Variants in DNAAF8 observed in about 807,000 individuals in gnomAD.
The protein encoded by DNAAF8 is dynein axonemal-associated protein 1.
In DNAAF8, 61 loss-of-function variants were observed where a neutral mutation model predicts 54.6. The observed-to-expected ratio is 1.12, with a 90% confidence interval of 0.91 to 1.38. The LOEUF (loss-of-function observed/expected upper bound fraction) is 1.38, where lower values mean the gene tolerates loss of function less well. Among genes scored for constraint, DNAAF8 ranks in the 40% most tolerant of loss-of-function variants. DNAAF8 has a pLI of 0.00. For missense variants in DNAAF8, 837 were observed against 665.0 expected, an observed-to-expected ratio of 1.26 and a Z score of -2.85; for synonymous variants, 320 against 270.1, an observed-to-expected ratio of 1.18 and a Z score of -1.81.
chr16:4,740,668 C>T lies in DNAAF8; in HGVS notation c.783+9C>T, dbSNP rs1306940953. On this transcript the variant is annotated intron_variant, in intron 4 of 9. Transcript: ENST00000299320. ...CAGTGCTCTCGCTCCAGGTAGGCGCCTCCCCGTGCCTGGCTGTTTCTCAGG... is the reference window on the plus strand; with the variant it reads ...CAGTGCTCTCGCTCCAGGTAGGCGCTTCCCCGTGCCTGGCTGTTTCTCAGG... The T allele has an allele frequency of 1.3e-6, 2 of 1,570,356 alleles. No homozygotes were observed. The highest frequency in any genetic ancestry group is 3.6e-5 in the Admixed American group (2 of 55,128).
At chr16:4,744,545 A>G (rs1389703341) in intron 5 of DNAAF8, among the ~76,000 whole-genome samples, 3 of 152,098 alleles carry the variant, frequency 2.0e-5, no homozygotes, top group African/African-American at 7.2e-5. Flanking sequence ...TTTTTAAGTC[A>G]ACACACAGAA....
Position 4,747,771 on chromosome 16 carries a change from C to T in DNAAF8, c.*9+137C>T, listed in dbSNP as rs1332327484. 5 of 1,064,432 alleles carry T rather than the reference C, an allele frequency of 4.7e-6. No homozygotes were observed. The African/African-American group carries it at 6.6e-5, about 14-fold the overall frequency. 65.9% of individuals were successfully genotyped at this position (1,064,432 alleles called of 1,614,324 possible). A position where few individuals can be genotyped will look rare whatever the true frequency, so the allele number is the denominator to read the frequency against. On this transcript the variant is annotated intron_variant, in intron 9 of 9. Coordinates refer to ENST00000299320, the MANE Select transcript of DNAAF8 (RefSeq NM_139170.3). The stretch of plus-strand genomic sequence containing the variant: ...GGACCCTCAGACTTTGGACTGTTGC[C>T]CACCCTGTTAGAGCTCAGTCACAGG...
In DNAAF8 at chr16:4,740,258, G is replaced by A; in HGVS notation, c.382G>A (p.Glu128Lys). 1 of 1,614,066 alleles carries A rather than the reference G, an allele frequency of 6.2e-7. No homozygotes were observed. Among genetic ancestry groups the A allele is most frequent in the Non-Finnish European group, 8.5e-7 (1 of 1,179,994 alleles). ...AGGAAGAGACCCTGGCAGGCCTTTT[G>A]AAAGCTCTGGTGAGGTCAGCGCTCT... ...QEGRDPGRPF[E>K]SSGEVSALLG... is the part of the protein sequence containing the mutation. Residue 128 changes from glutamate (E) to lysine (K), a missense_variant, in exon 4 of 10, where the codon GAA (glutamate) becomes AAA (lysine). Transcript: ENST00000299320.
In DNAAF8 at chr16:4,743,023, A is replaced by G; in HGVS notation, c.784-20A>G. The G allele has an allele frequency of 6.4e-7, 1 of 1,567,182 alleles. No individual in the cohort carries two copies. Among genetic ancestry groups the G allele is most frequent in the Non-Finnish European group, 8.8e-7 (1 of 1,138,772 alleles). On this transcript the variant is annotated intron_variant, in intron 4 of 9. Transcript: ENST00000299320. ...GGGACCCCTCAGCATCCTCATAATCACTGGTTTTAATGATTTCAGCAACTT... is the reference window on the plus strand; with the variant it reads ...GGGACCCCTCAGCATCCTCATAATCGCTGGTTTTAATGATTTCAGCAACTT...
At chr16:4,738,035 G>T in intron 3 of DNAAF8, 89 bp downstream of exon 3, 4 of 1,432,148 alleles carry the variant, frequency 2.8e-6, no homozygotes, top group Non-Finnish European at 3.8e-6. Flanking sequence ...GCATTTCCAC[G>T]ATATGCTAGA....
At chr16:4,747,101 AT>A in intron 8 of DNAAF8, 76 bp downstream of exon 8, 1 of 1,393,274 alleles carries the variant, frequency 7.2e-7, no homozygotes, top group Non-Finnish European at 9.7e-7. Context: ...CACCTGGCAC[AT>A]TTACCGCCTG....
Position 4,740,303 on chromosome 16 carries a change from C to G in DNAAF8, c.427C>G (p.Pro143Ala). The G allele has an allele frequency of 1.2e-6, 2 of 1,611,120 alleles. No individual in the cohort carries two copies. Among genetic ancestry groups the G allele is most frequent in the Middle Eastern group, 3.3e-4 (2 of 6,058 alleles). ...CGCTCTTCTTGGGATGGCCGAGGAG[C>G]CCCCCAGGTGGCTGGAAGGCGACCT... ...VSALLGMAEE[P>A]PRWLEGDLGS... Residue 143 changes from proline to alanine, a missense_variant, in exon 4 of 10, where the codon CCC (proline) becomes GCC (alanine). Pro to Ala is a conservative substitution (Grantham distance 27). Coordinates refer to ENST00000299320, the MANE Select transcript of DNAAF8 (RefSeq NM_139170.3).
In DNAAF8 at chr16:4,746,581, C is replaced by G. The variant is rs560508545; in HGVS notation, c.1181+69C>G. On this transcript the variant is annotated intron_variant, in intron 7 of 9. Transcript: ENST00000299320. ...GAGTTGCCTGTTGACCGCACAGAGC[C>G]TCTGGTGGATCCTGATGGGGAGGAA... is the stretch of plus-strand genomic sequence containing the variant. 1.4e-5 allele frequency: 22 copies of G among 1,519,840 alleles called. No individual in the cohort carries two copies. In the East Asian group the frequency reaches 4.3e-4, roughly 30 times the overall value. 94.1% of individuals were successfully genotyped at this position (1,519,840 alleles called of 1,614,324 possible).
rs750388784 is a variant in DNAAF8, at chr16:4,747,339, AC to A, written c.1281-3del. ...TGAGTGAATTTGGTCTCATTGTGTC[AC>A]AGGACCTGTACCGGGAAAAGCCAGC... is the stretch of plus-strand genomic sequence containing the variant. On this transcript the variant is annotated splice_region_variant and splice_polypyrimidine_tract_variant and intron_variant, in intron 8 of 9. Transcript: ENST00000299320. 2 of 1,560,348 alleles carry A rather than the reference AC, an allele frequency of 1.3e-6. No homozygotes were observed. Among genetic ancestry groups the A allele is most frequent in the Non-Finnish European group, 1.7e-6 (2 of 1,151,508 alleles).
In DNAAF8 at chr16:4,746,926, G is replaced by T; in HGVS notation, c.1182-1G>T. The stretch of plus-strand genomic sequence containing the variant: ...CCAGAAACCCATTTCTCTCCCTGCA[G>T]CTCCAGCCACAGCTCCTCTGACAGT... On this transcript the variant is annotated splice_acceptor_variant, in intron 7 of 9. Coordinates refer to ENST00000299320, the MANE Select transcript of DNAAF8 (RefSeq NM_139170.3). LOFTEE classifies it high-confidence loss of function. 6.4e-7 allele frequency: 1 copy of T among 1,555,012 alleles called. No individual in the cohort carries two copies. Among genetic ancestry groups the T allele is most frequent in the African/African-American group, 1.4e-5 (1 of 72,492 alleles).
chr16:4,745,792 AAC>A (rs1009974830), intron 6 of DNAAF8, among the ~76,000 whole-genome samples: 31 of 152,118 alleles, frequency 2.0e-4, no homozygotes, highest in African/African-American at 7.5e-4. Flanking sequence ...CTCTACTAAA[AAC>A]ACAAAAAAAT....
Position 4,746,994 on chromosome 16 carries a change from G to A in DNAAF8, c.1249G>A (p.Glu417Lys), listed in dbSNP as rs1302075607. 6.5e-7 allele frequency: 1 copy of A among 1,542,880 alleles called. No homozygotes were observed. ...EEEMAALGDA[E>K]GASPSSLGLR... ...AGAGATGGCAGCTCTGGGAGACGCA[G>A]AGGGGGCATCTCCTTCCTCCCTGGG... The change falls in exon 8 of 10, where the codon GAG becomes AAG. Residue 417 changes from glutamate (E) to lysine (K), a missense_variant. Glu to Lys is a moderately conservative substitution (Grantham distance 56). Coordinates refer to ENST00000299320, the MANE Select transcript of DNAAF8 (RefSeq NM_139170.3).
rs567104655 is a variant in DNAAF8 at position 4,746,347 on chromosome 16, T to A, written c.1044-28T>A. ...CACAGAGTTATCACAGAGAACTGACTCCACAACACCTGCTTTTCTCATTTC... is the reference window on the plus strand; with the variant it reads ...CACAGAGTTATCACAGAGAACTGACACCACAACACCTGCTTTTCTCATTTC... On this transcript the variant is annotated intron_variant, in intron 6 of 9. Transcript: ENST00000299320. The A allele has an allele frequency of 6.7e-5, 107 of 1,599,704 alleles. No individual in the cohort carries two copies. In the East Asian group the frequency reaches 2.2e-3, roughly 32 times the overall value.
intron 5 of DNAAF8, among the ~76,000 whole-genome samples, chr16:4,744,374 G>A (rs1017367994): frequency 2.0e-5 from 3 of 152,104 alleles, no homozygotes; most frequent in African/African-American, 7.2e-5. Context: ...CTGAAAAGCT[G>A]GAAACAACCC....
intron 4 of DNAAF8, among the ~76,000 whole-genome samples, chr16:4,740,916 G>A (rs536151757): frequency 8.5e-5 from 13 of 152,166 alleles, no homozygotes; most frequent in Admixed American, 1.3e-4. Context: ...CAGGCACAGC[G>A]GCTCGCACCT....
rs765123928 is a variant in DNAAF8 at position 4,747,369 on chromosome 16, T to A, written c.1307T>A (p.Leu436His). Residue 436 changes from leucine (L) to histidine (H), a missense_variant, in exon 9 of 10, where the codon CTC becomes CAC. Physicochemically the swap from Leu to His is moderately conservative, Grantham distance 99. Transcript: ENST00000299320. ...ACCTGTACCGGGAAAAGCCAGCTTC[T>A]CCAGCAGCTCAGGGCCTTTCAGAAG... ...LRTCTGKSQL[L>H]QQLRAFQKGT... is the part of the protein sequence containing the mutation. 1.4e-5 allele frequency: 22 copies of A among 1,593,078 alleles called. No individual in the cohort carries two copies. The highest frequency in any genetic ancestry group is 1.9e-5 in the Non-Finnish European group (22 of 1,167,652).
rs527932688 is a variant in DNAAF8, at chr16:4,737,980, G to C, written c.276+34G>C. On this transcript the variant is annotated intron_variant, in intron 3 of 9. Coordinates refer to ENST00000299320, the MANE Select transcript of DNAAF8 (RefSeq NM_139170.3). ...GACACAGAAGAGTATACGCCTGTGT[G>C]TGTGCGATGTTAGTCTAAACTGACT... The C allele has an allele frequency of 8.7e-6, 14 of 1,603,348 alleles. No individual in the cohort carries two copies. In the East Asian group the frequency reaches 2.7e-4, roughly 31 times the overall value.
intron 3 of DNAAF8, among the ~76,000 whole-genome samples, chr16:4,739,265 G>GT (rs35113323): frequency 0.26 from 17,788 of 68,388 alleles, 4,169 homozygotes; most frequent in South Asian, 0.36. Context: ...ATTTTTTCTT[G>GT]TTTTTTTTTT....
rs2081944253 is a variant in DNAAF8 at position 4,740,228 on chromosome 16, CAGGA to C, written c.359_362del (p.Gly120GlufsTer74). On this transcript the variant is annotated frameshift_variant, in exon 4 of 10. Transcript: ENST00000299320. LOFTEE classifies it high-confidence loss of function. ...CACAAGGACAAAGGATGCATCCTCT[CAGGA>C]AGGAAGAGACCCTGGCAGGCCTTTT... 6.2e-6 allele frequency: 10 copies of C among 1,614,024 alleles called. No homozygotes were observed. Among genetic ancestry groups the C allele is most frequent in the Non-Finnish European group, 8.5e-6 (10 of 1,179,970 alleles).
Sources: gnomAD v4.1 joint callset for allele counts (sites outside exome capture counted in the v4.1 genomes callset) on GRCh38, gnomAD v4.1.1 for gene constraint, MANE v1.5 for transcripts, NCBI Gene and HGNC (gene_info 2026-07-23, HGNC 2026-07-21) for gene names.